ENOSF1: variants seen among roughly 807,000 people sequenced by gnomAD.
ENOSF1 encodes enolase superfamily member 1.
In ENOSF1, 73 loss-of-function variants were observed where a neutral mutation model predicts 68.2. That is an observed-to-expected ratio of 1.07 (90% confidence interval 0.89 to 1.30). The LOEUF is 1.30. Among genes scored for constraint, ENOSF1 ranks in the 50% most tolerant of loss-of-function variants. The pLI, the probability that ENOSF1 is intolerant of heterozygous loss-of-function variation, is 0.00. For missense variants in ENOSF1, 589 were observed against 554.5 expected (o/e 1.06, Z -0.62); for synonymous variants, 223 against 210.4 (o/e 1.06, Z -0.52).
chr18:690,332 A>G (rs575060131), intron 8 of ENOSF1, among the ~76,000 whole-genome samples: 1 of 150,882 alleles, frequency 6.6e-6, no homozygotes, highest in Admixed American at 6.6e-5. Flanking sequence ...GTGGGGTCTG[A>G]GGCTAGTTCC....
chr18:691,286 TGACA>T lies in ENOSF1; in HGVS notation c.424-14_424-11del. 1 of 1,611,440 alleles carries T rather than the reference TGACA, an allele frequency of 6.2e-7. No homozygotes were observed. The highest frequency in any genetic ancestry group is 8.5e-7 in the Non-Finnish European group (1 of 1,178,090). On this transcript the variant is annotated splice_polypyrimidine_tract_variant and intron_variant, in intron 5 of 15. Transcript: ENST00000647584. Reference sequence around the variant, plus strand: ...CCAGCATCCTGGGATCCTGGCAACGTGACAGGAGGGGAAGAGGCCTGAATCAATT... The same window carrying T: ...CCAGCATCCTGGGATCCTGGCAACGTGGAGGGGAAGAGGCCTGAATCAATT...
chr18:696,054 T>A (rs144263171), intron 3 of ENOSF1, among the ~76,000 whole-genome samples: 2 of 152,284 alleles, frequency 1.3e-5, no homozygotes, highest in African/African-American at 4.8e-5. Context: ...CCTTATTGTG[T>A]TGGAATCCTT....
intron 11 of ENOSF1, among the ~76,000 whole-genome samples, chr18:680,679 T>C: frequency 1.7e-5 from 1 of 60,114 alleles, no homozygotes; most frequent in South Asian, 6.9e-4. Flanking sequence ...CTGTTGTGTT[T>C]TTTTTTTTTT....
intron 3 of ENOSF1, among the ~76,000 whole-genome samples, 179 bp downstream of exon 3, chr18:697,061 G>C (rs972977447): frequency 2.6e-5 from 4 of 152,134 alleles, no homozygotes; most frequent in African/African-American, 7.2e-5. Flanking sequence ...AGGTTGCAGT[G>C]AGCCAAGATT....
intron 11 of ENOSF1, among the ~76,000 whole-genome samples, chr18:680,589 C>G (rs1568028776): frequency 1.3e-5 from 2 of 152,028 alleles, no homozygotes; most frequent in African/African-American, 2.4e-5. Context: ...GCCCATTCCT[C>G]ACCTCCCACA....
intron 1 of ENOSF1, among the ~76,000 whole-genome samples, chr18:708,023 CTTT>C (rs35107796): frequency 4.4e-5 from 6 of 137,552 alleles, no homozygotes; most frequent in Admixed American, 1.5e-4. Context: ...CTATGACCAG[CTTT>C]TTTTTTTTTT....
rs2074988268 is a variant in ENOSF1, at chr18:670,452, T to C, written c.*3853A>G. On this transcript the variant is annotated 3_prime_UTR_variant, in exon 16 of 16. Transcript: ENST00000647584. Reference sequence around the variant, plus strand: ...GTAGCCCAGATCCCTTCAGCTCTGATGGAAGAGCATTGCTTCAGCCGTAAA... The same window carrying C: ...GTAGCCCAGATCCCTTCAGCTCTGACGGAAGAGCATTGCTTCAGCCGTAAA... 2 of 516,926 alleles carry C rather than the reference T, an allele frequency of 3.9e-6. No individual in the cohort carries two copies. The highest frequency in any genetic ancestry group is 6.9e-6 in the Non-Finnish European group (2 of 288,932). The allele number at this position is 516,926 out of a possible 1,614,324, so 32.0% of individuals were successfully genotyped here. A position where few individuals can be genotyped will look rare whatever the true frequency, so the allele number is the denominator to read the frequency against.
rs959180600 is a variant in ENOSF1 at position 670,846 on chromosome 18, T to G, written c.*3459A>C. On this transcript the variant is annotated 3_prime_UTR_variant, in exon 16 of 16. Coordinates refer to ENST00000647584, the MANE Select transcript of ENOSF1 (RefSeq NM_017512.7). ...GCTACGCCCTGCTCACGTACATGAT[T>G]GCGCACATCACGGGCCTGAAGGTGG... 1 of 1,613,912 alleles carries G rather than the reference T, an allele frequency of 6.2e-7. No homozygotes were observed. Among genetic ancestry groups the G allele is most frequent in the African/African-American group, 1.3e-5 (1 of 74,866 alleles).
chr18:683,106 T>C (rs2076245393), intron 11 of ENOSF1, 140 bp downstream of exon 11: 2 of 1,006,712 alleles, frequency 2.0e-6, no homozygotes, highest in Non-Finnish European at 2.9e-6. Context: ...CCTGTATTTG[T>C]CACACATTAC....
intron 11 of ENOSF1, among the ~76,000 whole-genome samples, chr18:679,013 A>G (rs2075798386): frequency 6.6e-6 from 1 of 152,096 alleles, no homozygotes; most frequent in South Asian, 2.1e-4. Context: ...CCCATGCTCC[A>G]GCTGCGCTCC....
intron 4 of ENOSF1, 73 bp from the exon 5 acceptor site, chr18:693,981 T>G: frequency 2.8e-5 from 41 of 1,469,806 alleles, no homozygotes; most frequent in Non-Finnish European, 3.5e-5. Context: ...GTAAACGCGT[T>G]GGCAGCTCTA....
intron 10 of ENOSF1, among the ~76,000 whole-genome samples, chr18:685,620 G>A (rs1477499391): frequency 6.6e-6 from 1 of 152,088 alleles, no homozygotes; most frequent in Admixed American, 6.5e-5. Context: ...GCTAGGAGGG[G>A]AGATTACATG....
intron 2 of ENOSF1, among the ~76,000 whole-genome samples, chr18:701,076 TAA>T (rs2145311427): frequency 6.6e-6 from 1 of 152,146 alleles, no homozygotes; most frequent in South Asian, 2.1e-4. Context: ...GGACATTGAG[TAA>T]AGTCTGTGGG....
At chr18:668,189 CACT>C (rs1379556923), downstream of ENOSF1, among the ~76,000 whole-genome samples, 5 of 151,930 alleles carry the variant, frequency 3.3e-5, no homozygotes, top group African/African-American at 1.2e-4. Flanking sequence ...CTCTTGTAAC[CACT>C]ACAATCAAGT....
downstream of ENOSF1, among the ~76,000 whole-genome samples, chr18:667,185 TGATGGA>T (rs1207439822): frequency 1.8e-4 from 11 of 62,582 alleles, no homozygotes; most frequent in Admixed American, 4.1e-4. Flanking sequence ...ATGGTGATGG[TGATGGA>T]GATGGTGATG....
intron 15 of ENOSF1, 90 bp from the exon 16 acceptor site, chr18:674,496 T>A: frequency 1.2e-6 from 1 of 830,728 alleles, no homozygotes; most frequent in South Asian, 1.6e-5. Flanking sequence ...GAAATGCTTT[T>A]ACGTCTAAGC....
In ENOSF1 at chr18:673,415, G is replaced by A. The variant is rs148758601; in HGVS notation, c.*890C>T. On this transcript the variant is annotated 3_prime_UTR_variant, in exon 16 of 16. Transcript: ENST00000647584. ...TCTGAGGGAGCTGAGTAACACCATC[G>A]ATCATGATGTAGAGTGTGGTTATGA... 9.0e-6 allele frequency: 2 copies of A among 222,892 alleles called. No individual in the cohort carries two copies. Among genetic ancestry groups the A allele is most frequent in the Non-Finnish European group, 8.9e-6 (1 of 112,574 alleles). 13.8% of individuals were successfully genotyped at this position (222,892 alleles called of 1,614,324 possible). A position where few individuals can be genotyped will look rare whatever the true frequency, so the allele number is the denominator to read the frequency against.
intron 2 of ENOSF1, 109 bp downstream of exon 2, chr18:706,361 C>T: frequency 1.3e-6 from 1 of 773,770 alleles, no homozygotes; most frequent in South Asian, 1.6e-5. Flanking sequence ...CAGATAAAAA[C>T]AAGATCAGAA....
intron 11 of ENOSF1, among the ~76,000 whole-genome samples, chr18:681,474 G>A (rs558122208): frequency 6.6e-6 from 1 of 152,364 alleles, no homozygotes; most frequent in South Asian, 2.1e-4. Flanking sequence ...GCATTCAGCA[G>A]GGCACAGCCA....
Sources: allele counts gnomAD v4.1 joint callset (sites outside exome capture counted in the v4.1 genomes callset), GRCh38; gene constraint gnomAD v4.1.1; transcripts MANE v1.5; gene names NCBI Gene and HGNC (gene_info 2026-07-23, HGNC 2026-07-21).